ASTN2: variants seen among roughly 807,000 people sequenced by gnomAD.
The protein encoded by ASTN2 is astrotactin 2, also known as astrotactin-2.
A neutral mutation model predicts 139.8 loss-of-function variants in ASTN2; 54 were observed. The ratio of observed to expected loss-of-function variants is 0.39; its 90% CI spans 0.31 to 0.48. ASTN2 has a LOEUF of 0.48. ASTN2 is among the 20% of genes least tolerant of loss of function. ASTN2 has a pLI of 0.95. For missense variants in ASTN2, 1,565 were observed against 1,725.1 expected (o/e 0.91, Z 1.64); for synonymous variants, 756 against 719.5 (o/e 1.05, Z -0.81).
At chr9:116,722,164 A>C (rs1344787479) in intron 16 of ASTN2, among the ~76,000 whole-genome samples, 1 of 152,196 alleles carries the variant, frequency 6.6e-6, no homozygotes, top group Non-Finnish European at 1.5e-5. Flanking sequence ...AAAAATGATG[A>C]AATATTGGGA....
intron 19 of ASTN2, among the ~76,000 whole-genome samples, chr9:116,519,252 T>C (rs929594101): frequency 2.0e-5 from 3 of 152,062 alleles, no homozygotes; most frequent in Non-Finnish European, 4.4e-5. Flanking sequence ...GACCATATGA[T>C]AGGCCACAAA....
intron 7 of ASTN2, among the ~76,000 whole-genome samples, chr9:116,994,446 T>C (rs1420181549): frequency 6.6e-6 from 1 of 152,166 alleles, no homozygotes; most frequent in African/African-American, 2.4e-5. Flanking sequence ...TGCCACTCAA[T>C]AAATATTTTG....
intron 1 of ASTN2, among the ~76,000 whole-genome samples, chr9:117,366,014 G>A (rs1275388079): frequency 2.0e-5 from 3 of 152,256 alleles, no homozygotes; most frequent in Non-Finnish European, 1.5e-5. Flanking sequence ...AACTCATCCT[G>A]ATCTGCCATT....
intron 1 of ASTN2, among the ~76,000 whole-genome samples, chr9:117,331,444 T>C (rs1055323502): frequency 6.6e-6 from 1 of 152,134 alleles, no homozygotes; most frequent in African/African-American, 2.4e-5. Flanking sequence ...AGAATATCAA[T>C]TGAGCCTCGG....
intron 1 of ASTN2, among the ~76,000 whole-genome samples, chr9:117,362,296 C>T (rs931775835): frequency 6.6e-6 from 1 of 152,048 alleles, no homozygotes; most frequent in African/African-American, 2.4e-5. Flanking sequence ...TGCTTTGAGA[C>T]AGTTCCCATG....
chr9:117,266,976 G>T (rs1266113813), intron 2 of ASTN2, among the ~76,000 whole-genome samples: 1 of 152,174 alleles, frequency 6.6e-6, no homozygotes, highest in Non-Finnish European at 1.5e-5. Flanking sequence ...ATAATAGAGT[G>T]TGGAAAGAGA....
intron 5 of ASTN2, among the ~76,000 whole-genome samples, chr9:117,062,709 C>T (rs527448524): frequency 1.3e-5 from 2 of 152,236 alleles, no homozygotes; most frequent in East Asian, 3.9e-4. Flanking sequence ...TGTGTACACA[C>T]TCATGTATGT....
intron 19 of ASTN2, among the ~76,000 whole-genome samples, chr9:116,504,783 C>T (rs937528571): frequency 6.6e-6 from 1 of 151,030 alleles, no homozygotes; most frequent in Non-Finnish European, 1.5e-5. Flanking sequence ...GTAGCTCCAG[C>T]TACTCAGGAA....
At chr9:116,964,921 C>T (rs759606628) in intron 10 of ASTN2, among the ~76,000 whole-genome samples, 62 of 152,254 alleles carry the variant, frequency 4.1e-4, no homozygotes, top group Admixed American at 1.3e-4. Flanking sequence ...TCTCCATTCA[C>T]ATGACTGTCC....
intron 10 of ASTN2, among the ~76,000 whole-genome samples, chr9:116,881,037 A>G (rs1833439093): frequency 1.3e-5 from 2 of 152,224 alleles, no homozygotes; most frequent in Admixed American, 1.3e-4. Flanking sequence ...TGGATCTTGA[A>G]GAAAGATGAG....
chr9:117,259,307 A>G (rs1265621947), intron 2 of ASTN2, among the ~76,000 whole-genome samples: 2 of 152,190 alleles, frequency 1.3e-5, no homozygotes, highest in African/African-American at 4.8e-5. Flanking sequence ...TAAGCCAAAA[A>G]TAAAATTCTA....
intron 3 of ASTN2, among the ~76,000 whole-genome samples, chr9:117,172,464 T>C (rs972080115): frequency 1.3e-5 from 2 of 152,204 alleles, no homozygotes; most frequent in Non-Finnish European, 2.9e-5. Flanking sequence ...GTGCAATTTA[T>C]ATGCACTGCA....
intron 6 of ASTN2, among the ~76,000 whole-genome samples, chr9:117,037,829 G>A (rs1352053839): frequency 6.6e-6 from 1 of 151,976 alleles, no homozygotes; most frequent in Non-Finnish European, 1.5e-5. Context: ...CCACTTCCAG[G>A]TTCTGACAAT....
At chr9:116,675,573 A>G (rs1374257562) in intron 16 of ASTN2, among the ~76,000 whole-genome samples, 1 of 152,192 alleles carries the variant, frequency 6.6e-6, no homozygotes, top group Admixed American at 6.5e-5. Context: ...GATGGAGAAT[A>G]GGAGGATAGT....
chr9:117,275,555 T>A (rs1587901597), intron 2 of ASTN2, among the ~76,000 whole-genome samples: 2 of 143,426 alleles, frequency 1.4e-5, no homozygotes, highest in Admixed American at 1.5e-4. Flanking sequence ...ATGTCTTTTA[T>A]CTCTCCCTCT....
intron 1 of ASTN2, among the ~76,000 whole-genome samples, chr9:117,322,053 G>A (rs936171310): frequency 1.3e-5 from 2 of 152,100 alleles, no homozygotes; most frequent in African/African-American, 4.8e-5. Flanking sequence ...TGGTCCCTCT[G>A]TTTGGAATCT....
intron 19 of ASTN2, chr9:116,583,358 C>T (rs778492928): frequency 5.9e-5 from 9 of 152,172 alleles, no homozygotes; most frequent in Non-Finnish European, 1.3e-4. Flanking sequence ...GATCTCCCTC[C>T]AGAGGAGTCT....
chr9:116,681,506 T>C (rs11534245), intron 16 of ASTN2, among the ~76,000 whole-genome samples: 15,560 of 151,992 alleles, frequency 0.1, 1,288 homozygotes, highest in South Asian at 0.4. Context: ...ACTTTCTTCA[T>C]AGAATTGGAA....
chr9:117,318,605 T>C (rs1828221981), intron 1 of ASTN2, among the ~76,000 whole-genome samples: 1 of 152,140 alleles, frequency 6.6e-6, no homozygotes, highest in South Asian at 2.1e-4. Context: ...AAGCCACACC[T>C]TTCCTGTTTG....
Sources: allele counts gnomAD v4.1 joint callset (sites outside exome capture counted in the v4.1 genomes callset), GRCh38; gene constraint gnomAD v4.1.1; transcripts MANE v1.5; gene names NCBI Gene and HGNC (gene_info 2026-07-23, HGNC 2026-07-21).